SULF1: variants seen among roughly 807,000 people sequenced by gnomAD.
SULF1 encodes sulfatase 1.
In SULF1, 46 loss-of-function variants were observed where a neutral mutation model predicts 110.5. That is an observed-to-expected ratio of 0.42 (90% CI 0.33 to 0.53). The LOEUF is 0.53. SULF1 is among the 20% of genes least tolerant of loss of function. The pLI is 0.12. For missense variants in SULF1, 941 were observed against 1,094.2 expected (o/e 0.86, Z 1.98); for synonymous variants, 371 against 387.1 (o/e 0.96, Z 0.49).
chr8:69,626,672 G>T (rs1018712018), intron 15 of SULF1, among the ~76,000 whole-genome samples: 2 of 152,354 alleles, frequency 1.3e-5, no homozygotes, highest in South Asian at 4.1e-4. Flanking sequence ...GCGCAGCGCC[G>T]GTGGGCTGGT....
At chr8:69,516,356 G>A (rs571270954) in intron 3 of SULF1, among the ~76,000 whole-genome samples, 131 of 148,870 alleles carry the variant, frequency 8.8e-4, no homozygotes, top group Admixed American at 1.5e-3. Context: ...GCAGGAGGAA[G>A]GGAGAGTAAA....
rs778729000 is a variant in SULF1 at position 69,628,231 on chromosome 8, A to G, written c.2103A>G (p.Pro701=). Residue 701 remains proline, a synonymous_variant, in exon 18 of 23, where the codon CCA becomes CCG. Transcript: ENST00000402687. ...KQEKLKSHLH[P]FKEAAQEVDS... ...AGAAATTAAAGAGCCATCTTCACCC[A>G]TTCAAGTAAGTAACTCTCTGTTTTC... 6.2e-7 allele frequency: 1 copy of G among 1,613,636 alleles called. No homozygotes were observed. Among genetic ancestry groups the G allele is most frequent in the Non-Finnish European group, 8.5e-7 (1 of 1,179,524 alleles).
At chr8:69,630,654 G>C (rs1810447214) in intron 19 of SULF1, among the ~76,000 whole-genome samples, 1 of 152,100 alleles carries the variant, frequency 6.6e-6, no homozygotes, top group Non-Finnish European at 1.5e-5. Context: ...AATCCCTGAG[G>C]GTTATTCAGA....
intron 1 of SULF1, among the ~76,000 whole-genome samples, chr8:69,475,500 C>A (rs1440157125): frequency 6.6e-6 from 1 of 151,808 alleles, no homozygotes; most frequent in Non-Finnish European, 1.5e-5. Context: ...AAATAAATAA[C>A]AATAATGCAA....
chr8:69,579,029 C>T (rs1456073862), intron 6 of SULF1, among the ~76,000 whole-genome samples: 16 of 151,676 alleles, frequency 1.1e-4, no homozygotes, highest in African/African-American at 3.4e-4. Flanking sequence ...GGCGTGGTGG[C>T]GGACGCCTGT....
At chr8:69,478,042 A>C (rs1809375056) in intron 1 of SULF1, among the ~76,000 whole-genome samples, 1 of 152,000 alleles carries the variant, frequency 6.6e-6, no homozygotes, top group African/African-American at 2.4e-5. Context: ...TTCTATAGAG[A>C]TGGGTTCTCC....
At chr8:69,508,017 AG>A in intron 3 of SULF1, among the ~76,000 whole-genome samples, 1 of 152,326 alleles carries the variant, frequency 6.6e-6, no homozygotes, top group Non-Finnish European at 1.5e-5. Context: ...CTTTTTTGGC[AG>A]ACACTAAAGT....
chr8:69,536,286 G>A (rs1324616680), intron 3 of SULF1, among the ~76,000 whole-genome samples: 3 of 152,162 alleles, frequency 2.0e-5, no homozygotes, highest in Non-Finnish European at 4.4e-5. Flanking sequence ...CCTAAGAAGG[G>A]CTTGTCTAGT....
Position 69,651,059 on chromosome 8 carries a change from T to TC in SULF1, c.2586-7446_2586-7445insC, listed in dbSNP as rs1199019304. ...CATCTATTCTTTTTTTTCTTTTCTTTTTTTTTTTTTTTGAGACAGAGTTTT... is the reference window on the plus strand; with the variant it reads ...CATCTATTCTTTTTTTTCTTTTCTTTCTTTTTTTTTTTTGAGACAGAGTTTT... On this transcript the variant is annotated intron_variant, in intron 22 of 22. Coordinates refer to ENST00000402687, the MANE Select transcript of SULF1 (RefSeq NM_001128205.2). 3.6e-4 allele frequency among the ~76,000 whole-genome samples: 53 copies of TC among 148,414 alleles called. No individual in the cohort carries two copies. The East Asian group carries it at 0.01, about 28-fold the overall frequency.
chr8:69,655,468 T>G (rs898656162), intron 22 of SULF1, among the ~76,000 whole-genome samples: 1 of 152,388 alleles, frequency 6.6e-6, no homozygotes, highest in South Asian at 2.1e-4. Context: ...TATTTCTCAT[T>G]GCATCTTCTA....
intron 3 of SULF1, among the ~76,000 whole-genome samples, chr8:69,516,141 A>C (rs1811903583): frequency 6.6e-6 from 1 of 152,178 alleles, no homozygotes; most frequent in Non-Finnish European, 1.5e-5. Flanking sequence ...CACTTCTCTG[A>C]TACCAATTTT....
intron 2 of SULF1, among the ~76,000 whole-genome samples, chr8:69,497,350 G>A (rs1345256062): frequency 1.3e-5 from 2 of 151,854 alleles, no homozygotes; most frequent in Admixed American, 6.6e-5. Flanking sequence ...TAGAGACGGG[G>A]TTTCACCATG....
In SULF1 at chr8:69,600,674, C is replaced by T; in HGVS notation, c.806C>T (p.Pro269Leu). 1 of 1,613,988 alleles carries T rather than the reference C, an allele frequency of 6.2e-7. No homozygotes were observed. The highest frequency in any genetic ancestry group is 8.5e-7 in the Non-Finnish European group (1 of 1,179,930). The part of the protein sequence containing the change: ...WIMQYTGPML[P>L]IHMEFTNILQ... ...ATGCAGTACACAGGACCAATGCTGC[C>T]CATCCACATGGAATTTACAAACATT... is the stretch of plus-strand genomic sequence containing the variant. The change falls in exon 9 of 23, where the codon CCC becomes CTC. Residue 269 changes from proline to leucine, a missense_variant. Pro to Leu is a moderately conservative substitution (Grantham distance 98). This residue lies in a region of SULF1 where 822 missense variants were observed against 934.3 expected (regional missense o/e 0.88). Transcript: ENST00000402687.
At chr8:69,535,749 A>T (rs1380845796) in intron 3 of SULF1, among the ~76,000 whole-genome samples, 1 of 152,134 alleles carries the variant, frequency 6.6e-6, no homozygotes, top group Non-Finnish European at 1.5e-5. Context: ...AAGCCATAAG[A>T]GGCCGGGTGA....
chr8:69,603,587 A>T lies in SULF1; in HGVS notation c.1191-13A>T. 6.2e-7 allele frequency: 1 copy of T among 1,607,018 alleles called. No individual in the cohort carries two copies. The highest frequency in any genetic ancestry group is 8.5e-7 in the Non-Finnish European group (1 of 1,173,596). ...CCAGATGCCAAAAGTAAATATTATC[A>T]TTTTGCTTTCAGGTTTCGAACAAAC... is the stretch of plus-strand genomic sequence containing the variant. On this transcript the variant is annotated splice_polypyrimidine_tract_variant and intron_variant, in intron 11 of 22. Coordinates refer to ENST00000402687, the MANE Select transcript of SULF1 (RefSeq NM_001128205.2).
intron 3 of SULF1, among the ~76,000 whole-genome samples, chr8:69,522,018 G>C (rs1812339336): frequency 6.6e-6 from 1 of 151,362 alleles, no homozygotes; most frequent in Admixed American, 6.6e-5. Context: ...GGAAGACAGA[G>C]AGAGAGACAG....
In SULF1 at chr8:69,618,527, G is replaced by A. The variant is rs557772655; in HGVS notation, c.1378-2508G>A. On this transcript the variant is annotated intron_variant, in intron 13 of 22. Coordinates refer to ENST00000402687, the MANE Select transcript of SULF1 (RefSeq NM_001128205.2). ...CAGAGACTTGAGCATTTGTGGATTCGGGTATCTGCAGGGCATCCTGGACCC... is the reference window on the plus strand; with the variant it reads ...CAGAGACTTGAGCATTTGTGGATTCAGGTATCTGCAGGGCATCCTGGACCC... Among the ~76,000 whole-genome samples, 36 of 152,220 alleles carry A rather than the reference G, an allele frequency of 2.4e-4. No individual in the cohort carries two copies. The South Asian group carries it at 2.7e-3, about 11-fold the overall frequency.
chr8:69,478,878 A>G (rs1809407703), intron 1 of SULF1, among the ~76,000 whole-genome samples: 1 of 152,176 alleles, frequency 6.6e-6, no homozygotes, highest in African/African-American at 2.4e-5. Flanking sequence ...AAAGGCCTTC[A>G]TTACACATTC....
chr8:69,599,510 T>C (rs1331477637), intron 8 of SULF1, among the ~76,000 whole-genome samples: 1 of 152,242 alleles, frequency 6.6e-6, no homozygotes, highest in African/African-American at 2.4e-5. Flanking sequence ...CTTGATTTTC[T>C]CTGCTGTAAA....
Sources: gnomAD v4.1 joint callset for allele counts (sites outside exome capture counted in the v4.1 genomes callset) on GRCh38, gnomAD v4.1.1 for gene constraint, gnomAD v4.1.1 regional missense constraint, MANE v1.5 for transcripts, NCBI Gene and HGNC (gene_info 2026-07-23, HGNC 2026-07-21) for gene names.